Variants in RBFOX1 observed in about 807,000 individuals in gnomAD.
RBFOX1 encodes RNA binding protein fox-1 homolog 1.
RBFOX1 carries 8 observed loss-of-function variants against 57.7 expected under a neutral mutation model. That is an observed-to-expected ratio of 0.14 (90% CI 0.08 to 0.25). The LOEUF (loss-of-function observed/expected upper bound fraction) is 0.25, where lower values mean the gene tolerates loss of function less well. Ranked by LOEUF, RBFOX1 falls within the 10% of genes least tolerant of loss-of-function variation. The pLI is 1.00. For synonymous variants in RBFOX1, 326 were observed against 222.4 expected (o/e 1.47, Z -4.15); for missense variants, 611 against 548.5 (o/e 1.11, Z -1.14).
rs540106561 is a variant in RBFOX1, at chr16:6,258,896, C to T, written c.-126-58099C>T. On this transcript the variant is annotated intron_variant, in intron 1 of 15. Transcript: ENST00000550418. ...CCATAAAGATATACAGCTATCTATCCACAAAAATGAAAATTTAAAAACATT... is the reference window on the plus strand; with the variant it reads ...CCATAAAGATATACAGCTATCTATCTACAAAAATGAAAATTTAAAAACATT... Among the ~76,000 whole-genome samples the T allele has an allele frequency of 2.0e-5, 3 of 151,994 alleles. No homozygotes were observed. The East Asian group carries it at 5.8e-4, about 29-fold the overall frequency.
At chr16:5,873,459 C>CA (rs1453618056) in intron 4 of RBFOX1, among the ~76,000 whole-genome samples, 1 of 152,190 alleles carries the variant, frequency 6.6e-6, no homozygotes, top group Non-Finnish European at 1.5e-5. Flanking sequence ...TTGAAGCCAG[C>CA]ACCAAAGAAT....
chr16:7,149,981 A>G (rs1401335115), intron 4 of RBFOX1, among the ~76,000 whole-genome samples: 1 of 152,052 alleles, frequency 6.6e-6, no homozygotes, highest in Non-Finnish European at 1.5e-5. Flanking sequence ...TATGTATGGT[A>G]TTTCCTCTGC....
At chr16:6,561,778 T>A (rs371020211) in intron 2 of RBFOX1, among the ~76,000 whole-genome samples, 91 of 152,348 alleles carry the variant, frequency 6.0e-4, no homozygotes, top group African/African-American at 2.0e-3. Context: ...TATAAGTGAT[T>A]AGTGGACAGA....
At position 6,869,953 on chromosome 16, in the gene RBFOX1, T is replaced by G. The variant is rs1306628166; in HGVS notation, c.-15-182104T>G. 2.0e-5 allele frequency among the ~76,000 whole-genome samples: 3 copies of G among 152,202 alleles called. No homozygotes were observed. The East Asian group carries it at 5.8e-4, about 29-fold the overall frequency. Reference sequence around the variant, plus strand: ...TCTCAGCGTCTTGGGGACTGCTTACTAATCTTAGGACCTATAAAATAAGGG... The same window carrying G: ...TCTCAGCGTCTTGGGGACTGCTTACGAATCTTAGGACCTATAAAATAAGGG... On this transcript the variant is annotated intron_variant, in intron 3 of 15. Transcript: ENST00000550418.
intron 1 of RBFOX1, among the ~76,000 whole-genome samples, chr16:6,124,583 A>C (rs1407387831): frequency 6.6e-6 from 1 of 151,758 alleles, no homozygotes; most frequent in Non-Finnish European, 1.5e-5. Context: ...GCTCATTTAA[A>C]CCTCCACCTC....
chr16:7,665,213 A>C (rs551633597), intron 13 of RBFOX1, among the ~76,000 whole-genome samples: 2 of 152,272 alleles, frequency 1.3e-5, no homozygotes, highest in African/African-American at 4.8e-5. Context: ...CAATTCCCCC[A>C]AAAAGGTGGC....
chr16:7,566,960 A>C (rs563650502), intron 5 of RBFOX1, among the ~76,000 whole-genome samples: 5 of 152,068 alleles, frequency 3.3e-5, no homozygotes, highest in African/African-American at 1.2e-4. Flanking sequence ...ATTAAGAAAC[A>C]TGTATTTACA....
chr16:5,911,128 A>C (rs938967061), intron 4 of RBFOX1, among the ~76,000 whole-genome samples: 2 of 152,134 alleles, frequency 1.3e-5, no homozygotes, highest in Non-Finnish European at 1.5e-5. Flanking sequence ...ACTGGCATTG[A>C]TGGAGGGAGC....
intron 2 of RBFOX1, among the ~76,000 whole-genome samples, chr16:6,431,218 G>T (rs1332459015): frequency 6.6e-6 from 1 of 152,040 alleles, no homozygotes; most frequent in Non-Finnish European, 1.5e-5. Flanking sequence ...GGGGTAATGG[G>T]TTTAGGAGAA....
intron 2 of RBFOX1, among the ~76,000 whole-genome samples, chr16:6,468,932 C>G (rs2095111870): frequency 6.6e-6 from 1 of 152,088 alleles, no homozygotes; most frequent in Non-Finnish European, 1.5e-5. Flanking sequence ...TCTTCATCCT[C>G]TCCCTCCTTC....
intron 3 of RBFOX1, among the ~76,000 whole-genome samples, chr16:5,836,521 T>A (rs1418039152): frequency 1.3e-5 from 2 of 152,190 alleles, no homozygotes; most frequent in East Asian, 3.9e-4. Flanking sequence ...CCATACTTCC[T>A]TATTCTCTGC....
At chr16:7,551,510 G>T (rs1188763033) in intron 5 of RBFOX1, among the ~76,000 whole-genome samples, 1 of 152,222 alleles carries the variant, frequency 6.6e-6, no homozygotes, top group Non-Finnish European at 1.5e-5. Context: ...TCAGCCAATA[G>T]CTCTGTGCTA....
chr16:7,095,856 CA>C (rs571061596), intron 4 of RBFOX1, among the ~76,000 whole-genome samples: 2 of 151,436 alleles, frequency 1.3e-5, no homozygotes, highest in Non-Finnish European at 2.9e-5. Context: ...ACTAAAAATA[CA>C]AAAAAATTAG....
intron 1 of RBFOX1, among the ~76,000 whole-genome samples, chr16:6,076,311 A>AG (rs1338812281): frequency 6.7e-6 from 1 of 148,484 alleles, no homozygotes; most frequent in Admixed American, 6.7e-5. Context: ...AAAAAAAAAA[A>AG]CAACAAACGC....
intron 1 of RBFOX1, among the ~76,000 whole-genome samples, chr16:6,153,833 G>T (rs1325174994): frequency 2.6e-5 from 4 of 152,144 alleles, no homozygotes; most frequent in Admixed American, 1.3e-4. Context: ...ACCATGCCCG[G>T]CCCATTATAT....
chr16:6,587,523 C>A (rs2097646939), intron 2 of RBFOX1, among the ~76,000 whole-genome samples: 1 of 152,122 alleles, frequency 6.6e-6, no homozygotes, highest in South Asian at 2.1e-4. Flanking sequence ...CTAAAGTGAT[C>A]CACCTGCCTC....
chr16:6,227,156 C>T (rs1406726353), intron 1 of RBFOX1, among the ~76,000 whole-genome samples: 1 of 151,872 alleles, frequency 6.6e-6, no homozygotes, highest in Admixed American at 6.6e-5. Context: ...TTATTACTGC[C>T]TCATATATCT....
chr16:5,671,074 C>G (rs139869764), intron 3 of RBFOX1, among the ~76,000 whole-genome samples: 2 of 152,326 alleles, frequency 1.3e-5, no homozygotes, highest in East Asian at 1.9e-4. Flanking sequence ...TGCTCTCAGC[C>G]TCACACAAAC....
At chr16:6,579,698 G>A (rs1388903993) in intron 2 of RBFOX1, among the ~76,000 whole-genome samples, 2 of 152,072 alleles carry the variant, frequency 1.3e-5, no homozygotes, top group Non-Finnish European at 2.9e-5. Context: ...TAAACACTAA[G>A]TCTCAGGTAT....
Sources: gnomAD v4.1 joint callset for allele counts (sites outside exome capture counted in the v4.1 genomes callset) on GRCh38, gnomAD v4.1.1 for gene constraint, MANE v1.5 for transcripts, NCBI Gene and HGNC (gene_info 2026-07-23, HGNC 2026-07-21) for gene names.